LRP1B: variants seen among roughly 807,000 people sequenced by gnomAD.
The protein encoded by LRP1B is low-density lipoprotein receptor-related protein 1B.
LRP1B carries 217 observed loss-of-function variants against 556.6 expected under a neutral mutation model. The ratio of observed to expected loss-of-function variants is 0.39; its 90% CI spans 0.35 to 0.44. The LOEUF is 0.44. Ranked by LOEUF, LRP1B falls within the 20% of genes least tolerant of loss-of-function variation. The pLI is 1.00. For missense variants in LRP1B, 5,053 were observed against 5,620.8 expected (o/e 0.90, Z 3.23); for synonymous variants, 2,047 against 1,865.8 (o/e 1.10, Z -2.50).
intron 2 of LRP1B, among the ~76,000 whole-genome samples, chr2:141,570,300 C>G (rs1686480848): frequency 6.6e-6 from 1 of 150,840 alleles, no homozygotes; most frequent in African/African-American, 2.4e-5. Flanking sequence ...TGTGACGGCC[C>G]ACCTGAGAGC....
At chr2:141,415,108 G>A (rs574401897) in intron 3 of LRP1B, among the ~76,000 whole-genome samples, 46 of 152,226 alleles carry the variant, frequency 3.0e-4, no homozygotes, top group Non-Finnish European at 4.9e-4. Flanking sequence ...TCCGCCTCCC[G>A]GGTTCACGCC....
At chr2:141,701,975 C>T (rs1396679678) in intron 2 of LRP1B, among the ~76,000 whole-genome samples, 1 of 151,822 alleles carries the variant, frequency 6.6e-6, no homozygotes, top group East Asian at 1.9e-4. Context: ...ATATAGACTG[C>T]AAGAAATTAT....
In LRP1B at chr2:141,118,775, CT is replaced by C. The variant is rs1455262606; in HGVS notation, c.1014-56503del. Among the ~76,000 whole-genome samples, 3 of 151,460 alleles carry C rather than the reference CT, an allele frequency of 2.0e-5. No individual in the cohort carries two copies. The East Asian group carries it at 5.8e-4, about 29-fold the overall frequency. ...TGAGGTATCTAAGCATTTTATTTCC[CT>C]TTTTTTCTTTTGAATTCCTATAAAG... On this transcript the variant is annotated intron_variant, in intron 7 of 90. Coordinates refer to ENST00000389484, the MANE Select transcript of LRP1B (RefSeq NM_018557.3).
chr2:141,107,017 C>T (rs1700621324), intron 7 of LRP1B, among the ~76,000 whole-genome samples: 2 of 151,698 alleles, frequency 1.3e-5, no homozygotes, highest in African/African-American at 4.8e-5. Context: ...TTATGCTATC[C>T]TCTACTGAAC....
chr2:140,467,632 AAG>A (rs2105337582), intron 60 of LRP1B, among the ~76,000 whole-genome samples: 1 of 150,382 alleles, frequency 6.6e-6, no homozygotes, highest in East Asian at 2.0e-4. Context: ...AAAAAAAAAA[AAG>A]TCTTAAAAGG....
At chr2:141,980,717 A>G (rs1273170280) in intron 1 of LRP1B, among the ~76,000 whole-genome samples, 1 of 152,170 alleles carries the variant, frequency 6.6e-6, no homozygotes, top group Admixed American at 6.6e-5. Context: ...TGTGGAAGTT[A>G]CTTGCCACAT....
chr2:142,120,578 G>A (rs1242787768), intron 1 of LRP1B, among the ~76,000 whole-genome samples: 4 of 152,112 alleles, frequency 2.6e-5, no homozygotes, highest in African/African-American at 4.8e-5. Context: ...AATTGAAAAG[G>A]AGCTCTTTCT....
At chr2:140,811,063 GT>G (rs903156661) in intron 32 of LRP1B, among the ~76,000 whole-genome samples, 2 of 151,598 alleles carry the variant, frequency 1.3e-5, no homozygotes, top group African/African-American at 4.8e-5. Context: ...TTTGTTTTTT[GT>G]TTTTTTATTT....
chr2:141,338,215 T>A (rs749150072), intron 3 of LRP1B, among the ~76,000 whole-genome samples: 11 of 152,168 alleles, frequency 7.2e-5, no homozygotes, highest in Admixed American at 2.6e-4. Context: ...CTAAGGTCCC[T>A]CAGAGTTTTG....
chr2:141,126,729 T>C (rs1276751071), intron 7 of LRP1B, among the ~76,000 whole-genome samples: 4 of 152,162 alleles, frequency 2.6e-5, no homozygotes, highest in Non-Finnish European at 1.5e-5. Context: ...ATTACCAAAA[T>C]ATGTGCTCTC....
At chr2:140,834,056 A>T (rs1387815497) in intron 31 of LRP1B, among the ~76,000 whole-genome samples, 1 of 152,184 alleles carries the variant, frequency 6.6e-6, no homozygotes, top group Non-Finnish European at 1.5e-5. Flanking sequence ...CTTCAGCAAG[A>T]AAAGCATAAA....
At chr2:141,329,247 G>A (rs572265845) in intron 3 of LRP1B, among the ~76,000 whole-genome samples, 5 of 151,726 alleles carry the variant, frequency 3.3e-5, no homozygotes, top group African/African-American at 1.2e-4. Context: ...AATTAGCTGG[G>A]TATGGTGGCA....
At chr2:140,905,523 G>A (rs2105227715) in intron 22 of LRP1B, among the ~76,000 whole-genome samples, 1 of 152,172 alleles carries the variant, frequency 6.6e-6, no homozygotes, top group East Asian at 1.9e-4. Context: ...AAACACCTGG[G>A]AAGGGAACTC....
intron 2 of LRP1B, among the ~76,000 whole-genome samples, chr2:141,762,021 A>G (rs1455354624): frequency 1.3e-5 from 2 of 152,064 alleles, no homozygotes; most frequent in Non-Finnish European, 2.9e-5. Flanking sequence ...TTTCACAGCA[A>G]TCTTTTCTTC....
intron 1 of LRP1B, among the ~76,000 whole-genome samples, chr2:142,036,024 T>G (rs756523080): frequency 2.0e-5 from 3 of 151,722 alleles, no homozygotes; most frequent in Non-Finnish European, 3.0e-5. Context: ...CCGCCGTGAT[T>G]CTGAGGCCTC....
chr2:142,032,845 A>G (rs946868064), intron 1 of LRP1B, among the ~76,000 whole-genome samples: 1 of 151,730 alleles, frequency 6.6e-6, no homozygotes, highest in Non-Finnish European at 1.5e-5. Flanking sequence ...ATATCATTCT[A>G]TCCCCTTCCC....
At chr2:141,646,845 T>C (rs536735709) in intron 2 of LRP1B, among the ~76,000 whole-genome samples, 1 of 152,230 alleles carries the variant, frequency 6.6e-6, no homozygotes, top group South Asian at 2.1e-4. Flanking sequence ...TTCAAGTCAT[T>C]AGGTATACAC....
chr2:142,098,966 T>G (rs1011903570), intron 1 of LRP1B, among the ~76,000 whole-genome samples: 1 of 151,800 alleles, frequency 6.6e-6, no homozygotes, highest in Non-Finnish European at 1.5e-5. Context: ...TTTTCTCCTC[T>G]GCACATACAG....
intron 43 of LRP1B, among the ~76,000 whole-genome samples, chr2:140,563,828 C>T (rs1231216292): frequency 2.0e-5 from 3 of 152,114 alleles, no homozygotes; most frequent in Admixed American, 6.6e-5. Context: ...GAACTACATA[C>T]TTTATTCATA....
Sources: gnomAD v4.1 joint callset for allele counts (sites outside exome capture counted in the v4.1 genomes callset) on GRCh38, gnomAD v4.1.1 for gene constraint, MANE v1.5 for transcripts, NCBI Gene and HGNC (gene_info 2026-07-23, HGNC 2026-07-21) for gene names.